PCDH11X: variants seen among roughly 807,000 people sequenced by gnomAD.
The protein encoded by PCDH11X is protocadherin-11 X-linked.
A neutral mutation model predicts 53.3 loss-of-function variants in PCDH11X; 18 were observed. The observed-to-expected ratio is 0.34, with a 90% CI of 0.23 to 0.50. The LOEUF is 0.50. PCDH11X is among the 20% of genes least tolerant of loss of function. PCDH11X has a pLI of 0.98. For synonymous variants in PCDH11X, 279 were observed against 393.3 expected (o/e 0.71, Z 3.44); for missense variants, 570 against 1,032.4 (o/e 0.55, Z 6.14).
At chrX:91,886,355 A>T in intron 6 of PCDH11X, among the ~76,000 whole-genome samples, 1 of 111,175 alleles carries the variant, frequency 9.0e-6, no homozygotes, top group South Asian at 3.8e-4. Flanking sequence ...AACTTTGTCC[A>T]TTAAATTATA....
intron 6 of PCDH11X, among the ~76,000 whole-genome samples, chrX:92,012,158 G>T (rs918224460): frequency 2.7e-5 from 3 of 109,199 alleles, no homozygotes; most frequent in Admixed American, 2.0e-4. Flanking sequence ...TGAAGTGGTG[G>T]TGAATACATA....
chrX:92,510,318 G>A (rs2074141003), intron 10 of PCDH11X, among the ~76,000 whole-genome samples: 1 of 94,399 alleles, frequency 1.1e-5, no homozygotes, highest in Non-Finnish European at 2.2e-5. Flanking sequence ...TTCTTGAGTA[G>A]CAACTTGTGG....
intron 10 of PCDH11X, among the ~76,000 whole-genome samples, chrX:92,505,740 A>G (rs994021476): frequency 3.6e-5 from 4 of 110,975 alleles, no homozygotes; most frequent in African/African-American, 1.3e-4. Context: ...ATTCTGTGAA[A>G]TATGTCATTA....
intron 8 of PCDH11X, among the ~76,000 whole-genome samples, chrX:92,267,030 C>T (rs2067847919): frequency 1.8e-5 from 2 of 111,704 alleles, no homozygotes; most frequent in African/African-American, 6.5e-5. Flanking sequence ...CAGGTGTGAG[C>T]CACTGCACCC....
Position 92,148,417 on chromosome X carries a change from G to A in PCDH11X, c.3034-52958G>A, listed in dbSNP as rs771408903. 4.2e-4 allele frequency among the ~76,000 whole-genome samples: 44 copies of A among 104,980 alleles called. 1 individual carries two copies. The highest frequency in any genetic ancestry group is 1.4e-3 in the African/African-American group (41 of 28,987). The allele number at this position is 104,980 out of a possible 115,157, so 91.2% of individuals were successfully genotyped here. A position where few individuals can be genotyped will look rare whatever the true frequency, so the allele number is the denominator to read the frequency against. On this transcript the variant is annotated intron_variant, in intron 6 of 10. Coordinates refer to ENST00000682573, the MANE Select transcript of PCDH11X (RefSeq NM_032968.5). ...TAATTTTTATATTTTTAGTAGAGAC[G>A]GAGTTTCACCATGTTGGCCAGGCTG...
intron 8 of PCDH11X, among the ~76,000 whole-genome samples, chrX:92,274,747 C>T (rs755101558): frequency 1.2e-4 from 13 of 110,739 alleles, no homozygotes; most frequent in South Asian, 1.2e-3. Context: ...TTCTGAGAGG[C>T]GGGCTAGTGG....
intron 6 of PCDH11X, among the ~76,000 whole-genome samples, chrX:92,001,895 C>A (rs1379054605): frequency 9.4e-6 from 1 of 106,585 alleles, no homozygotes; most frequent in Non-Finnish European, 1.9e-5. Context: ...GCAGAAACTT[C>A]TTAACTTGAT....
chrX:92,613,645 C>G (rs1290410440), intron 10 of PCDH11X, among the ~76,000 whole-genome samples: 1 of 107,480 alleles, frequency 9.3e-6, no homozygotes, highest in African/African-American at 3.4e-5. Context: ...TTATATCTCT[C>G]AGATGTTCTC....
intron 6 of PCDH11X, among the ~76,000 whole-genome samples, chrX:91,980,972 T>TATATATAC (rs1210365225): frequency 1.1e-5 from 1 of 87,452 alleles, no homozygotes; most frequent in African/African-American, 4.6e-5. Context: ...TATATATATA[T>TATATATAC]ACACTGAATA....
At chrX:92,353,332 A>C (rs1205004158) in intron 8 of PCDH11X, among the ~76,000 whole-genome samples, 1 of 112,083 alleles carries the variant, frequency 8.9e-6, no homozygotes, top group Non-Finnish European at 1.9e-5. Context: ...CTTCTGAGTA[A>C]CTTCTGTTCA....
chrX:91,908,647 TAC>T (rs763983164), intron 6 of PCDH11X, among the ~76,000 whole-genome samples: 26 of 108,284 alleles, frequency 2.4e-4, no homozygotes, highest in Admixed American at 2.4e-3. Context: ...CGATTAAAAA[TAC>T]ACAGATTAGC....
intron 7 of PCDH11X, among the ~76,000 whole-genome samples, chrX:92,215,677 G>C (rs779931939): frequency 8.4e-4 from 84 of 100,004 alleles, no homozygotes; most frequent in Non-Finnish European, 1.5e-3. Context: ...AAATGTCCCT[G>C]TCTGACAGCT....
At chrX:92,597,431 C>A (rs1391428840) in intron 10 of PCDH11X, among the ~76,000 whole-genome samples, 1 of 110,705 alleles carries the variant, frequency 9.0e-6, no homozygotes, top group Non-Finnish European at 1.9e-5. Context: ...TTAATAATAG[C>A]CACACATAAA....
chrX:91,790,456 C>G (rs189055972), intron 1 of PCDH11X, among the ~76,000 whole-genome samples: 32 of 112,383 alleles, frequency 2.8e-4, no homozygotes, highest in Non-Finnish European at 2.6e-4. Flanking sequence ...AACATATCAG[C>G]TAATCATTCA....
chrX:92,202,142 T>C (rs2148323807), intron 7 of PCDH11X, among the ~76,000 whole-genome samples: 1 of 111,721 alleles, frequency 9.0e-6, no homozygotes, highest in South Asian at 3.8e-4. Flanking sequence ...CCAAGGTTTG[T>C]GTGTCTTCTT....
intron 5 of PCDH11X, among the ~76,000 whole-genome samples, chrX:91,854,287 A>G (rs1244946184): frequency 8.9e-6 from 1 of 111,993 alleles, no homozygotes; most frequent in African/African-American, 3.2e-5. Context: ...GCCTACTTCA[A>G]TTAACATAAT....
intron 6 of PCDH11X, among the ~76,000 whole-genome samples, chrX:92,107,474 C>T (rs368780041): frequency 8.9e-5 from 10 of 112,211 alleles, no homozygotes; most frequent in Middle Eastern, 4.3e-3. Context: ...TGGTGGCTCA[C>T]GCCTGTAATC....
intron 6 of PCDH11X, among the ~76,000 whole-genome samples, chrX:92,137,835 A>C (rs1398817177): frequency 1.8e-5 from 2 of 109,699 alleles, no homozygotes; most frequent in Non-Finnish European, 3.8e-5. Context: ...CACTTAGCAT[A>C]ATGTTTTATT....
At chrX:92,282,544 G>A (rs2068273690) in intron 8 of PCDH11X, among the ~76,000 whole-genome samples, 1 of 111,922 alleles carries the variant, frequency 8.9e-6, no homozygotes, top group Non-Finnish European at 1.9e-5. Context: ...GCTAAGAACA[G>A]TATGCCACAA....
Sources: gnomAD v4.1 joint callset for allele counts (sites outside exome capture counted in the v4.1 genomes callset) on GRCh38, gnomAD v4.1.1 for gene constraint, MANE v1.5 for transcripts, NCBI Gene and HGNC (gene_info 2026-07-23, HGNC 2026-07-21) for gene names.